Variants in ATP8A2 observed in about 807,000 individuals in gnomAD.
ATP8A2 encodes ATPase phospholipid transporting 8A2.
A neutral mutation model predicts 165.6 loss-of-function variants in ATP8A2; 100 were observed. The observed-to-expected ratio is 0.60, with a 90% CI of 0.51 to 0.71. ATP8A2 has a LOEUF of 0.71. ATP8A2 is among the 30% of genes least tolerant of loss of function. ATP8A2 has a pLI of 0.00. For synonymous variants in ATP8A2, 543 were observed against 548.8 expected (o/e 0.99, Z 0.15); for missense variants, 1,227 against 1,479.5 (o/e 0.83, Z 2.80).
At chr13:26,016,761 G>A (rs1282655263) in intron 36 of ATP8A2, among the ~76,000 whole-genome samples, 1 of 152,184 alleles carries the variant, frequency 6.6e-6, no homozygotes, top group East Asian at 1.9e-4. Context: ...GGATGCAGAG[G>A]CCTCCGTGTT....
rs1198559155 is a variant in ATP8A2, at chr13:26,025,676, T to C, written c.*5691T>C. ...CTATTAATGTCCTCTGGTTGTTAAA[T>C]TACAGCAGCACATTACAGTGCACTG... is the stretch of plus-strand genomic sequence containing the variant. On this transcript the variant is annotated 3_prime_UTR_variant, in exon 37 of 37. Coordinates refer to ENST00000381655, the MANE Select transcript of ATP8A2 (RefSeq NM_016529.6). 1 of 152,166 alleles carries C rather than the reference T, an allele frequency of 6.6e-6. No homozygotes were observed. The highest frequency in any genetic ancestry group is 1.5e-5 in the Non-Finnish European group (1 of 68,038). The allele number at this position is 152,166 out of a possible 1,614,324, so 9.4% of individuals were successfully genotyped here.
chr13:25,884,335 C>T (rs1953075124), intron 33 of ATP8A2, among the ~76,000 whole-genome samples: 1 of 152,124 alleles, frequency 6.6e-6, no homozygotes, highest in Non-Finnish European at 1.5e-5. Flanking sequence ...GGAAGGAAAT[C>T]ATGTCGGGAC....
intron 23 of ATP8A2, 128 bp downstream of exon 23, chr13:25,582,085 A>G: frequency 1.1e-6 from 1 of 948,294 alleles, no homozygotes; most frequent in Non-Finnish European, 1.5e-6. Flanking sequence ...TTCATTCACA[A>G]GGCTAAGGAA....
chr13:25,387,206 C>G (rs2033087226), intron 1 of ATP8A2, among the ~76,000 whole-genome samples: 1 of 152,150 alleles, frequency 6.6e-6, no homozygotes, highest in Non-Finnish European at 1.5e-5. Context: ...CAGCGGTGAG[C>G]AGCCATGAGC....
intron 2 of ATP8A2, among the ~76,000 whole-genome samples, chr13:25,490,578 C>T (rs935571988): frequency 1.3e-5 from 2 of 152,138 alleles, no homozygotes; most frequent in Admixed American, 6.5e-5. Flanking sequence ...GAGGTGCAGG[C>T]AATAAGAAGG....
chr13:25,898,557 A>C (rs914355516), intron 33 of ATP8A2, among the ~76,000 whole-genome samples: 1 of 152,272 alleles, frequency 6.6e-6, no homozygotes, highest in African/African-American at 2.4e-5. Flanking sequence ...CAAAGCTGTC[A>C]GACAGGGACA....
intron 1 of ATP8A2, among the ~76,000 whole-genome samples, chr13:25,443,855 T>C (rs2034997827): frequency 1.3e-5 from 2 of 152,248 alleles, no homozygotes; most frequent in East Asian, 1.9e-4. Flanking sequence ...GATCAGCAAA[T>C]ATCCATTGAG....
intron 33 of ATP8A2, among the ~76,000 whole-genome samples, chr13:25,914,773 C>T (rs946693538): frequency 2.0e-5 from 3 of 152,228 alleles, no homozygotes; most frequent in Non-Finnish European, 4.4e-5. Context: ...AGAGGGGCTT[C>T]GCAGTGCTCC....
chr13:25,839,572 C>T lies in ATP8A2; in HGVS notation c.2904C>T (p.Ala968=). 1.9e-6 allele frequency: 3 copies of T among 1,614,060 alleles called. No homozygotes were observed. Among genetic ancestry groups the T allele is most frequent in the African/African-American group, 1.3e-5 (1 of 75,008 alleles). The change falls in exon 30 of 37, where the codon GCC becomes GCT. Residue 968 remains alanine (A), a synonymous_variant. Transcript: ENST00000381655. ...TKVFWGHCIN[A]LVHSLILFWF... ...TTTTCTGGGGTCACTGCATCAACGC[C>T]TTGGTCCACTCCCTCATCCTCTTCT...
At chr13:25,702,771 C>A (rs528571113) in intron 25 of ATP8A2, among the ~76,000 whole-genome samples, 48 of 152,270 alleles carry the variant, frequency 3.2e-4, no homozygotes, top group Non-Finnish European at 6.2e-4. Context: ...GCAGCAGACT[C>A]CCTTTTGTGC....
intron 24 of ATP8A2, among the ~76,000 whole-genome samples, chr13:25,685,969 C>G (rs1405960123): frequency 6.6e-6 from 1 of 152,116 alleles, no homozygotes; most frequent in African/African-American, 2.4e-5. Context: ...TTCAGAGGCA[C>G]AGGTGGCATT....
At chr13:25,809,947 G>T (rs1312366419) in intron 27 of ATP8A2, among the ~76,000 whole-genome samples, 1 of 152,150 alleles carries the variant, frequency 6.6e-6, no homozygotes, top group African/African-American at 2.4e-5. Flanking sequence ...TAATTAATGT[G>T]TTGCCCCAGA....
chr13:25,446,532 C>G (rs894222367), intron 1 of ATP8A2, among the ~76,000 whole-genome samples: 2 of 147,940 alleles, frequency 1.4e-5, no homozygotes, highest in Admixed American at 1.4e-4. Context: ...AGCCTGGAAC[C>G]ACGCCCGCAG....
chr13:25,428,514 A>G (rs998438932), intron 1 of ATP8A2, among the ~76,000 whole-genome samples: 2 of 152,138 alleles, frequency 1.3e-5, no homozygotes, highest in South Asian at 4.1e-4. Flanking sequence ...TGGGTGTGAT[A>G]TTTAAAGATA....
intron 33 of ATP8A2, among the ~76,000 whole-genome samples, chr13:25,871,477 A>C (rs1593481233): frequency 6.6e-6 from 1 of 152,194 alleles, no homozygotes; most frequent in African/African-American, 2.4e-5. Flanking sequence ...TAAAAGTGCC[A>C]GAGAAAGGCC....
At chr13:25,673,708 G>A (rs2042313496) in intron 24 of ATP8A2, among the ~76,000 whole-genome samples, 1 of 152,096 alleles carries the variant, frequency 6.6e-6, no homozygotes, top group Non-Finnish European at 1.5e-5. Flanking sequence ...AGGAAAAATG[G>A]TTTAGGCTGA....
intron 25 of ATP8A2, among the ~76,000 whole-genome samples, chr13:25,744,054 T>C (rs73478856): frequency 0.047 from 7,121 of 152,296 alleles, 330 homozygotes; most frequent in East Asian, 0.21. Context: ...TATCTTATAT[T>C]GTGGGTCTGG....
chr13:25,540,865 TC>T (rs2038452728), intron 8 of ATP8A2, among the ~76,000 whole-genome samples: 1 of 151,110 alleles, frequency 6.6e-6, no homozygotes, highest in Non-Finnish European at 1.5e-5. Flanking sequence ...CTTTTTTGGT[TC>T]TTTTTTTTTT....
intron 27 of ATP8A2, among the ~76,000 whole-genome samples, chr13:25,791,773 T>C (rs1219334640): frequency 6.6e-6 from 1 of 152,170 alleles, no homozygotes; most frequent in African/African-American, 2.4e-5. Flanking sequence ...AATGACATGT[T>C]CCAGCCCATT....
Sources: allele counts gnomAD v4.1 joint callset (sites outside exome capture counted in the v4.1 genomes callset), GRCh38; gene constraint gnomAD v4.1.1; transcripts MANE v1.5; gene names NCBI Gene and HGNC (gene_info 2026-07-23, HGNC 2026-07-21).